Variants in COPG2 observed in about 807,000 individuals in gnomAD.
COPG2 encodes the protein coat protein complex I subunit gamma 2, also known as coatomer subunit gamma-2.
A neutral mutation model predicts 46.3 loss-of-function variants in COPG2; 37 were observed. The observed-to-expected ratio is 0.80, with a 90% confidence interval of 0.61 to 1.05. The LOEUF (loss-of-function observed/expected upper bound fraction) is 1.05. Among genes scored for constraint, COPG2 ranks in the 50% least tolerant of loss-of-function variants. The pLI, the probability that COPG2 is intolerant of heterozygous loss-of-function variation, is 0.00. For missense variants in COPG2, 427 were observed against 387.8 expected, an observed-to-expected ratio of 1.10 and a Z score of -0.85; for synonymous variants, 159 against 129.7, an observed-to-expected ratio of 1.23 and a Z score of -1.53.
intron 20 of COPG2, among the ~76,000 whole-genome samples, chr7:130,536,420 C>T (rs1411946908): frequency 6.6e-6 from 1 of 152,102 alleles, no homozygotes; most frequent in Non-Finnish European, 1.5e-5. Flanking sequence ...GACCCCCAGG[C>T]AGGCCTATCC....
chr7:130,572,958 T>C (rs560808260), intron 9 of COPG2, among the ~76,000 whole-genome samples: 1 of 151,430 alleles, frequency 6.6e-6, no homozygotes, highest in East Asian at 1.9e-4. Context: ...CAAACCTTCA[T>C]CTAAACTAAC....
At chr7:130,634,737 CAAT>C (rs1795302336) in intron 5 of COPG2, among the ~76,000 whole-genome samples, 1 of 152,048 alleles carries the variant, frequency 6.6e-6, no homozygotes, top group Admixed American at 6.6e-5. Context: ...CCAGAACTTC[CAAT>C]AATATGTTGA....
At chr7:130,623,872 T>A (rs782664580) in intron 5 of COPG2, among the ~76,000 whole-genome samples, 2 of 152,216 alleles carry the variant, frequency 1.3e-5, no homozygotes, top group Non-Finnish European at 2.9e-5. Flanking sequence ...ACAAGGTATC[T>A]TTATATTTGT....
rs374000407 is a variant in COPG2 at position 130,508,230 on chromosome 7, C to T, written c.2247+332G>A. ...GAAGCAAAAACAAAAAACCAAAAAA[C>T]AAAACCAACCCCCTCCCCAAATCAT... On this transcript the variant is annotated intron_variant, in intron 21 of 23. Coordinates refer to ENST00000425248, the MANE Select transcript of COPG2 (RefSeq NM_012133.6). 60 of 255,054 alleles carry T rather than the reference C, an allele frequency of 2.4e-4. 1 individual carries two copies. The highest frequency in any genetic ancestry group is 9.8e-4 in the African/African-American group (44 of 44,938). The allele number at this position is 255,054 out of a possible 1,614,324, so 15.8% of individuals were successfully genotyped here.
At chr7:130,563,197 CCAAAT>C in intron 11 of COPG2, 67 bp downstream of exon 11, 1 of 396,186 alleles carries the variant, frequency 2.5e-6, no homozygotes, top group Non-Finnish European at 4.5e-6. Context: ...GGAGAGAAAA[CCAAAT>C]GCTTCACATT....
chr7:130,640,696 A>C (rs1326993782), intron 5 of COPG2, among the ~76,000 whole-genome samples: 1 of 152,206 alleles, frequency 6.6e-6, no homozygotes, highest in African/African-American at 2.4e-5. Context: ...ACTGGGCAGG[A>C]AAAAGAGAAG....
chr7:130,550,288 G>C (rs925397176), intron 17 of COPG2, among the ~76,000 whole-genome samples: 2 of 151,612 alleles, frequency 1.3e-5, no homozygotes, highest in Non-Finnish European at 2.9e-5. Flanking sequence ...GCGCATGCCT[G>C]TAATCCCAGC....
intron 5 of COPG2, among the ~76,000 whole-genome samples, chr7:130,644,624 T>C (rs1795556589): frequency 6.6e-6 from 1 of 152,230 alleles, no homozygotes; most frequent in Admixed American, 6.5e-5. Context: ...TCTTCCATAC[T>C]GAACAGGCCT....
At chr7:130,614,924 A>ACC (rs1554452652) in intron 6 of COPG2, among the ~76,000 whole-genome samples, 1 of 152,168 alleles carries the variant, frequency 6.6e-6, no homozygotes, top group African/African-American at 2.4e-5. Context: ...ATCTTCATTT[A>ACC]CCCCACTTGG....
chr7:130,554,032 C>T (rs914718188), intron 14 of COPG2, among the ~76,000 whole-genome samples: 4 of 152,064 alleles, frequency 2.6e-5, no homozygotes, highest in South Asian at 2.1e-4. Flanking sequence ...CAGCTAATAA[C>T]GGCTACTTCA....
intron 9 of COPG2, chr7:130,604,593 C>CTA (rs1301045043): frequency 6.6e-6 from 2 of 303,006 alleles, no homozygotes; most frequent in Non-Finnish European, 6.4e-6. Context: ...TTTGCATTTC[C>CTA]TATATATATA....
chr7:130,519,339 T>C (rs911789139), intron 20 of COPG2, among the ~76,000 whole-genome samples: 21 of 152,184 alleles, frequency 1.4e-4, no homozygotes, highest in African/African-American at 5.1e-4. Context: ...GTCAACAGAA[T>C]GGGAGGTTAG....
intron 9 of COPG2, among the ~76,000 whole-genome samples, chr7:130,599,906 C>T (rs1448057061): frequency 6.6e-6 from 1 of 152,136 alleles, no homozygotes; most frequent in African/African-American, 2.4e-5. Context: ...GGACACACAA[C>T]TATTATGTTT....
intron 9 of COPG2, among the ~76,000 whole-genome samples, chr7:130,608,455 G>A (rs1161029222): frequency 6.6e-6 from 1 of 151,990 alleles, no homozygotes; most frequent in Non-Finnish European, 1.5e-5. Context: ...CTTTTTAGCT[G>A]GAAAAACTCC....
intron 4 of COPG2, among the ~76,000 whole-genome samples, chr7:130,654,375 A>T (rs1795807424): frequency 6.6e-6 from 1 of 152,212 alleles, no homozygotes; most frequent in South Asian, 2.1e-4. Context: ...AACATCTACC[A>T]AAATGAGGTT....
chr7:130,566,879 T>C (rs1053861843), intron 9 of COPG2, among the ~76,000 whole-genome samples: 14 of 152,192 alleles, frequency 9.2e-5, no homozygotes, highest in Middle Eastern at 6.8e-3. Flanking sequence ...GTCTATGAAA[T>C]GACAAGGGGC....
At chr7:130,569,361 G>A (rs1793855991) in intron 9 of COPG2, among the ~76,000 whole-genome samples, 1 of 152,060 alleles carries the variant, frequency 6.6e-6, no homozygotes, top group Non-Finnish European at 1.5e-5. Flanking sequence ...AATTAAAAAG[G>A]AATCGGGAGA....
chr7:130,631,395 C>T (rs782365155), intron 5 of COPG2, among the ~76,000 whole-genome samples: 9 of 151,930 alleles, frequency 5.9e-5, no homozygotes, highest in African/African-American at 1.5e-4. Context: ...TGACCTCAGG[C>T]GATCCACCTG....
At position 130,554,549 on chromosome 7, in the gene COPG2, G is replaced by A. The variant is rs1334298272; in HGVS notation, c.1400C>T (p.Pro467Leu). The change falls in exon 14 of 24, where the codon CCT (proline) becomes CTT (leucine). Residue 467 changes from proline to leucine, a missense_variant. Pro to Leu is a moderately conservative substitution (Grantham distance 98). Coordinates refer to ENST00000425248, the MANE Select transcript of COPG2 (RefSeq NM_012133.6). ...HLLGKEGPRT[P>L]VPSKYIRFIF... The stretch of plus-strand genomic sequence containing the variant: ...AAAACGGATATATTTGGAGGGGACA[G>A]GCGTTCTAGGGCCCTCTTTGCCCAA... 5.0e-6 allele frequency: 2 copies of A among 398,510 alleles called. No homozygotes were observed. Among genetic ancestry groups the A allele is most frequent in the Non-Finnish European group, 8.8e-6 (2 of 226,088 alleles). 24.7% of individuals were successfully genotyped at this position (398,510 alleles called of 1,614,324 possible). A position where few individuals can be genotyped will look rare whatever the true frequency, so the allele number is the denominator to read the frequency against.
Sources: gnomAD v4.1 joint callset for allele counts (sites outside exome capture counted in the v4.1 genomes callset) on GRCh38, gnomAD v4.1.1 for gene constraint, MANE v1.5 for transcripts, NCBI Gene and HGNC (gene_info 2026-07-23, HGNC 2026-07-21) for gene names.